Variants in AGBL1 observed in about 807,000 individuals in gnomAD.
AGBL1 encodes cytosolic carboxypeptidase 4.
A neutral mutation model predicts 118.9 loss-of-function variants in AGBL1; 130 were observed. That is an observed-to-expected ratio of 1.09 (90% CI 0.95 to 1.26). The LOEUF is 1.26. AGBL1 is among the 50% of genes most tolerant of loss of function. The pLI, the probability that AGBL1 is intolerant of heterozygous loss-of-function variation, is 0.00. For synonymous variants in AGBL1, 555 were observed against 478.9 expected (o/e 1.16, Z -2.08); for missense variants, 1,584 against 1,298.1 (o/e 1.22, Z -3.38).
At chr15:86,798,386 A>C (rs989436873) in intron 22 of AGBL1, among the ~76,000 whole-genome samples, 2 of 152,150 alleles carry the variant, frequency 1.3e-5, no homozygotes, top group Non-Finnish European at 2.9e-5. Flanking sequence ...TAATGTCTGC[A>C]TCTTAAGGAT....
intron 1 of AGBL1, among the ~76,000 whole-genome samples, chr15:86,138,870 T>C (rs1030252688): frequency 2.0e-5 from 3 of 152,164 alleles, no homozygotes; most frequent in Non-Finnish European, 4.4e-5. Context: ...GAAATGTCAA[T>C]GTTGATCAGG....
intron 22 of AGBL1, among the ~76,000 whole-genome samples, chr15:86,874,069 T>G (rs1039101337): frequency 6.6e-6 from 1 of 152,196 alleles, no homozygotes; most frequent in South Asian, 2.1e-4. Context: ...CTGACACATA[T>G]GAGGTGAGGG....
chr15:86,138,061 T>G (rs987449564), intron 1 of AGBL1, among the ~76,000 whole-genome samples: 2 of 152,070 alleles, frequency 1.3e-5, no homozygotes, highest in African/African-American at 4.8e-5. Flanking sequence ...TAATAAAATA[T>G]ATGGATTATC....
chr15:86,237,266 G>A (rs964171209), intron 6 of AGBL1, among the ~76,000 whole-genome samples: 2 of 152,202 alleles, frequency 1.3e-5, no homozygotes, highest in African/African-American at 4.8e-5. Context: ...GGGTGCAGAA[G>A]CATTTGCTAT....
At chr15:86,513,208 T>A (rs1237792629) in intron 18 of AGBL1, among the ~76,000 whole-genome samples, 2 of 152,000 alleles carry the variant, frequency 1.3e-5, no homozygotes, top group African/African-American at 4.8e-5. Flanking sequence ...AGTTGTGTCT[T>A]CTCAATCTCC....
At chr15:86,156,794 C>CTTTTTTTTTTTTTTTTTTTT (rs773611214) in intron 4 of AGBL1, among the ~76,000 whole-genome samples, 2 of 105,548 alleles carry the variant, frequency 1.9e-5, no homozygotes, top group African/African-American at 3.3e-5. Context: ...TCTTTTCTTT[C>CTTTTTTTTTTTTTTTTTTTT]TTTTTTTTTT....
chr15:86,984,749 T>C (rs1173544168), intron 23 of AGBL1, among the ~76,000 whole-genome samples: 2 of 152,172 alleles, frequency 1.3e-5, no homozygotes, highest in African/African-American at 4.8e-5. Context: ...GCAATATTTT[T>C]CCCAGTTAGT....
intron 22 of AGBL1, among the ~76,000 whole-genome samples, chr15:86,806,538 G>T (rs1197613804): frequency 6.6e-6 from 1 of 152,124 alleles, no homozygotes; most frequent in African/African-American, 2.4e-5. Flanking sequence ...GACTTCGGAG[G>T]AACTGGCTGT....
At chr15:86,408,030 C>T (rs973853976) in intron 18 of AGBL1, among the ~76,000 whole-genome samples, 5 of 152,160 alleles carry the variant, frequency 3.3e-5, no homozygotes, top group African/African-American at 1.2e-4. Flanking sequence ...AGGCAGAGGG[C>T]AACTGGCTGT....
intron 24 of AGBL1, among the ~76,000 whole-genome samples, chr15:86,991,377 C>A (rs1031163793): frequency 2.0e-5 from 3 of 151,890 alleles, no homozygotes; most frequent in Non-Finnish European, 4.4e-5. Context: ...TGCCCATTTC[C>A]ATCGTTTCCC....
rs1346107006 is a variant in AGBL1, at chr15:86,410,816, A to T, written c.2555+13270A>T. 2.2e-5 allele frequency among the ~76,000 whole-genome samples: 2 copies of T among 92,888 alleles called. 1 individual carries two copies. The highest frequency in any genetic ancestry group is 1.0e-4 in the African/African-American group (2 of 19,308). 60.9% of individuals were successfully genotyped at this position (92,888 alleles called of 152,430 possible). The stretch of plus-strand genomic sequence containing the variant: ...GACAAGGTCAAATGTAGATATATAT[A>T]TATATATATATATATATATATATAT... On this transcript the variant is annotated intron_variant, in intron 18 of 22. Transcript: ENST00000614907.
intron 1 of AGBL1, among the ~76,000 whole-genome samples, chr15:86,112,889 T>C (rs1344116954): frequency 1.3e-5 from 2 of 152,262 alleles, no homozygotes; most frequent in Admixed American, 1.3e-4. Flanking sequence ...TTTGAATTTC[T>C]ACTTTTGTAA....
At chr15:86,619,931 T>C (rs904760661) in intron 21 of AGBL1, among the ~76,000 whole-genome samples, 1 of 152,228 alleles carries the variant, frequency 6.6e-6, no homozygotes, top group African/African-American at 2.4e-5. Context: ...TGGATATTCC[T>C]ATAACAGAGC....
intron 21 of AGBL1, among the ~76,000 whole-genome samples, chr15:86,662,893 G>T (rs184962600): frequency 3.3e-5 from 5 of 152,200 alleles, no homozygotes; most frequent in East Asian, 3.9e-4. Flanking sequence ...CCATATGGAA[G>T]ATTAGGGAGC....
intron 22 of AGBL1, among the ~76,000 whole-genome samples, chr15:86,865,491 C>G (rs2079614029): frequency 6.6e-6 from 1 of 152,172 alleles, no homozygotes; most frequent in Non-Finnish European, 1.5e-5. Flanking sequence ...CAGAAAGAAT[C>G]AACTTCTGCC....
chr15:86,876,566 G>T (rs1296507037), intron 22 of AGBL1, among the ~76,000 whole-genome samples: 1 of 152,220 alleles, frequency 6.6e-6, no homozygotes, highest in East Asian at 1.9e-4. Flanking sequence ...TGGCTGACCA[G>T]CCTGATTATG....
chr15:86,453,985 A>C (rs1172444686), intron 18 of AGBL1, among the ~76,000 whole-genome samples: 1 of 152,112 alleles, frequency 6.6e-6, no homozygotes, highest in African/African-American at 2.4e-5. Context: ...CTTTTTAAGG[A>C]TAGACTGCTA....
At chr15:86,114,395 G>A (rs1014921619) in intron 1 of AGBL1, among the ~76,000 whole-genome samples, 30 of 152,134 alleles carry the variant, frequency 2.0e-4, no homozygotes, top group African/African-American at 7.2e-4. Context: ...TTCTACTCTG[G>A]TCTGCTTGTG....
chr15:86,500,486 T>C (rs1170819189), intron 18 of AGBL1, among the ~76,000 whole-genome samples: 1 of 150,334 alleles, frequency 6.7e-6, no homozygotes, highest in African/African-American at 2.4e-5. Flanking sequence ...TTTCATAATG[T>C]TTGCAATTAC....
Sources: allele counts gnomAD v4.1 joint callset (sites outside exome capture counted in the v4.1 genomes callset), GRCh38; gene constraint gnomAD v4.1.1; transcripts MANE v1.5; gene names NCBI Gene and HGNC (gene_info 2026-07-23, HGNC 2026-07-21).